MORC1: variants seen among roughly 807,000 people sequenced by gnomAD.
The protein encoded by MORC1 is MORC family CW-type zinc finger 1, also known as MORC family CW-type zinc finger protein 1.
A neutral mutation model predicts 134.9 loss-of-function variants in MORC1; 59 were observed. The ratio of observed to expected loss-of-function variants is 0.44; its 90% CI spans 0.35 to 0.54. The LOEUF is 0.54. Among genes scored for constraint, MORC1 ranks in the 20% least tolerant of loss-of-function variants. MORC1 has a pLI of 0.00. For missense variants in MORC1, 947 were observed against 1,134.5 expected, an observed-to-expected ratio of 0.83 and a Z score of 2.37; for synonymous variants, 395 against 391.7, an observed-to-expected ratio of 1.01 and a Z score of -0.10.
At chr3:108,987,499 C>T (rs1947926894) in intron 21 of MORC1, among the ~76,000 whole-genome samples, 1 of 152,058 alleles carries the variant, frequency 6.6e-6, no homozygotes, top group Non-Finnish European at 1.5e-5. Flanking sequence ...CATCTTCTGA[C>T]AGAATCCCAG....
chr3:109,047,406 GC>G (rs1259457630), intron 14 of MORC1, among the ~76,000 whole-genome samples: 1 of 151,924 alleles, frequency 6.6e-6, no homozygotes, highest in Non-Finnish European at 1.5e-5. Context: ...AGATATTTTA[GC>G]AAAAAACTTC....
chr3:108,996,880 G>A (rs1948246310), intron 21 of MORC1, among the ~76,000 whole-genome samples: 2 of 151,860 alleles, frequency 1.3e-5, no homozygotes, highest in African/African-American at 4.8e-5. Flanking sequence ...CATGGTGGCG[G>A]GTGCCTGTAG....
At chr3:109,008,386 T>C (rs1948598931) in intron 17 of MORC1, among the ~76,000 whole-genome samples, 1 of 152,056 alleles carries the variant, frequency 6.6e-6, no homozygotes, top group Admixed American at 6.5e-5. Flanking sequence ...GTATATACGA[T>C]TATTCCAAGG....
intron 2 of MORC1, among the ~76,000 whole-genome samples, chr3:109,111,281 T>A (rs1038982756): frequency 3.6e-4 from 55 of 152,186 alleles, no homozygotes; most frequent in African/African-American, 1.3e-3. Flanking sequence ...AAATGGCCCA[T>A]CAACTGTTTG....
intron 11 of MORC1, 116 bp downstream of exon 11, chr3:109,061,872 T>C (rs559327324): frequency 3.3e-6 from 3 of 922,426 alleles, no homozygotes; most frequent in African/African-American, 3.3e-5. Flanking sequence ...CTTAATCTTC[T>C]GAGCTTATCT....
In MORC1 at chr3:109,059,798, T is replaced by A; in HGVS notation, c.1031+8A>T. 1 of 1,610,194 alleles carries A rather than the reference T, an allele frequency of 6.2e-7. No individual in the cohort carries two copies. The highest frequency in any genetic ancestry group is 8.5e-7 in the Non-Finnish European group (1 of 1,177,702). ...GGATTCCTGCAAACAGAAAACCTTG[T>A]GTCTTACCTTTGTTTCTCTTTAAGA... On this transcript the variant is annotated splice_region_variant and intron_variant, in intron 12 of 27. Transcript: ENST00000232603.
intron 20 of MORC1, among the ~76,000 whole-genome samples, chr3:109,001,630 T>C (rs942006669): frequency 1.3e-5 from 2 of 152,222 alleles, no homozygotes; most frequent in African/African-American, 2.4e-5. Flanking sequence ...GTTTCTTCTC[T>C]TACTGCTCTG....
intron 14 of MORC1, among the ~76,000 whole-genome samples, chr3:109,043,178 TG>T (rs1559914959): frequency 1.2e-3 from 39 of 31,222 alleles, no homozygotes; most frequent in Non-Finnish European, 2.5e-3. Context: ...AAGCAAAATG[TG>T]GCAAAATGTG....
At chr3:109,034,349 C>T (rs781332227) in intron 15 of MORC1, among the ~76,000 whole-genome samples, 1 of 152,182 alleles carries the variant, frequency 6.6e-6, no homozygotes, top group Admixed American at 6.5e-5. Context: ...TTTTTCTCTA[C>T]TGAGCTGTTA....
intron 24 of MORC1, among the ~76,000 whole-genome samples, chr3:108,973,531 G>T (rs947645303): frequency 5.3e-5 from 8 of 151,168 alleles, no homozygotes; most frequent in Non-Finnish European, 2.9e-5. Flanking sequence ...TGACCAAAAA[G>T]TTGGTCAGAT....
chr3:109,097,495 G>T (rs1340473244), intron 6 of MORC1, among the ~76,000 whole-genome samples: 1 of 152,144 alleles, frequency 6.6e-6, no homozygotes, highest in African/African-American at 2.4e-5. Flanking sequence ...GTGAGATCTA[G>T]GATCTCAGAG....
At chr3:108,965,626 C>T (rs1448930929) in intron 26 of MORC1, among the ~76,000 whole-genome samples, 1 of 152,110 alleles carries the variant, frequency 6.6e-6, no homozygotes, top group Non-Finnish European at 1.5e-5. Context: ...GTTATACAAA[C>T]TTCCATGTAT....
chr3:109,010,719 T>C (rs1366158341), intron 17 of MORC1, among the ~76,000 whole-genome samples: 1 of 152,228 alleles, frequency 6.6e-6, no homozygotes, highest in Non-Finnish European at 1.5e-5. Flanking sequence ...TTGCTGTCAA[T>C]TAGCTGTATC....
chr3:108,970,623 G>C (rs975002993), intron 25 of MORC1, among the ~76,000 whole-genome samples: 1 of 152,156 alleles, frequency 6.6e-6, no homozygotes, highest in Non-Finnish European at 1.5e-5. Context: ...CCAATACCAA[G>C]TGTATCCATC....
At chr3:109,098,499 T>C (rs1340250545) in intron 6 of MORC1, among the ~76,000 whole-genome samples, 1 of 152,132 alleles carries the variant, frequency 6.6e-6, no homozygotes, top group East Asian at 1.9e-4. Flanking sequence ...ACACCGTCCA[T>C]CCAAACTCCA....
At chr3:109,030,880 A>G (rs1306121109) in intron 16 of MORC1, among the ~76,000 whole-genome samples, 1 of 152,228 alleles carries the variant, frequency 6.6e-6, no homozygotes, top group Non-Finnish European at 1.5e-5. Context: ...GCTTGAAGTG[A>G]TGAATACCTC....
intron 20 of MORC1, among the ~76,000 whole-genome samples, chr3:109,001,999 C>T (rs532966267): frequency 6.6e-6 from 1 of 152,282 alleles, no homozygotes; most frequent in South Asian, 2.1e-4. Flanking sequence ...TGCCATTTTC[C>T]TCTACATGAT....
At chr3:109,099,825 T>C (rs1433677686) in intron 5 of MORC1, among the ~76,000 whole-genome samples, 6 of 152,116 alleles carry the variant, frequency 3.9e-5, no homozygotes, top group Admixed American at 3.9e-4. Context: ...AAAATATGCT[T>C]TGGGAAACAA....
At chr3:108,963,267 T>C in intron 27 of MORC1, 147 bp downstream of exon 27, 1 of 608,780 alleles carries the variant, frequency 1.6e-6, no homozygotes, top group East Asian at 2.9e-5. Flanking sequence ...CATTTATTTA[T>C]GATTTCAAAA....
Sources: gnomAD v4.1 joint callset for allele counts (sites outside exome capture counted in the v4.1 genomes callset) on GRCh38, gnomAD v4.1.1 for gene constraint, MANE v1.5 for transcripts, NCBI Gene and HGNC (gene_info 2026-07-23, HGNC 2026-07-21) for gene names.